NCOR1: variants seen among roughly 807,000 people sequenced by gnomAD.
The protein encoded by NCOR1 is protein phosphatase 1, regulatory subunit 109.
NCOR1 carries 63 observed loss-of-function variants against 288.1 expected under a neutral mutation model. That is an observed-to-expected ratio of 0.22 (90% CI 0.18 to 0.27). The LOEUF (loss-of-function observed/expected upper bound fraction) is 0.27. NCOR1 is among the 10% of genes least tolerant of loss of function. The pLI, the probability that NCOR1 is intolerant of heterozygous loss-of-function variation, is 1.00. For missense variants in NCOR1, 2,397 were observed against 3,019.2 expected, an observed-to-expected ratio of 0.79 and a Z score of 4.83; for synonymous variants, 1,007 against 1,065.9, an observed-to-expected ratio of 0.94 and a Z score of 1.08.
chr17:16,207,292 A>AT (rs1395398014), intron 1 of NCOR1, among the ~76,000 whole-genome samples: 1 of 152,222 alleles, frequency 6.6e-6, no homozygotes, highest in Non-Finnish European at 1.5e-5. Flanking sequence ...GGGGAAATGA[A>AT]TTGCCTAAAA....
At chr17:16,061,244 T>C (rs2060515754) in intron 37 of NCOR1, among the ~76,000 whole-genome samples, 157 bp downstream of exon 37, 1 of 152,196 alleles carries the variant, frequency 6.6e-6, no homozygotes, top group African/African-American at 2.4e-5. Context: ...AACTGGGATA[T>C]TTAAATAATC....
chr17:16,142,546 T>C (rs73981467), intron 11 of NCOR1, among the ~76,000 whole-genome samples: 8,183 of 152,104 alleles, frequency 0.054, 280 homozygotes, highest in African/African-American at 0.11. Flanking sequence ...ATGTTAGAAA[T>C]GGAAATTTAT....
intron 18 of NCOR1, among the ~76,000 whole-genome samples, chr17:16,117,178 C>T (rs1003411594): frequency 2.0e-5 from 3 of 152,272 alleles, no homozygotes; most frequent in African/African-American, 7.2e-5. Context: ...TATACCAAAT[C>T]AATTCACTCG....
At chr17:16,163,652 A>G (rs978932839) in intron 5 of NCOR1, among the ~76,000 whole-genome samples, 2 of 152,202 alleles carry the variant, frequency 1.3e-5, no homozygotes, top group African/African-American at 4.8e-5. Context: ...GCCCACTCCT[A>G]GATATATAAA....
At chr17:16,106,959 C>G (rs571464403) in intron 19 of NCOR1, among the ~76,000 whole-genome samples, 11 of 129,212 alleles carry the variant, frequency 8.5e-5, no homozygotes, top group African/African-American at 3.0e-4. Context: ...GTGGCGTGAT[C>G]TCAGCTCACT....
chr17:16,039,331 TA>T, intron 44 of NCOR1, 101 bp downstream of exon 44: 1 of 1,149,864 alleles, frequency 8.7e-7, no homozygotes, highest in African/African-American at 1.5e-5. Flanking sequence ...TCTGAGCACA[TA>T]AAGACATAAA....
intron 14 of NCOR1, among the ~76,000 whole-genome samples, chr17:16,126,757 GCT>G (rs1285871680): frequency 6.6e-6 from 1 of 152,122 alleles, no homozygotes; most frequent in African/African-American, 2.4e-5. Flanking sequence ...GAAGTAAAAT[GCT>G]TAAATATTTC....
At position 16,034,830 on chromosome 17, in the gene NCOR1, T is replaced by C. The variant is rs1461228434; in HGVS notation, c.7070A>G (p.His2357Arg). 5 of 1,613,970 alleles carry C rather than the reference T, an allele frequency of 3.1e-6. No homozygotes were observed. In the African/African-American group the frequency reaches 5.3e-5, roughly 17 times the overall value. ...CTGCCTATGGTAATCCCCTTCTGAA[T>C]GTACAGAGGAGACTGAAGAGGGCCG... ...TERPSSVSSV[H>R]SEGDYHRQTP... Residue 2357 changes from histidine (H) to arginine (R), a missense_variant, in exon 45 of 46, where the codon CAT becomes CGT. Physicochemically the swap from His to Arg is conservative, Grantham distance 29 (BLOSUM62 0). This residue lies in a region of NCOR1 where 1,872 missense variants were observed against 2,187.8 expected (regional missense o/e 0.86). Transcript: ENST00000268712.
At chr17:16,071,064 T>G (rs896877738) in intron 30 of NCOR1, among the ~76,000 whole-genome samples, 7 of 152,076 alleles carry the variant, frequency 4.6e-5, no homozygotes, top group African/African-American at 1.7e-4. Context: ...GCAGATCACT[T>G]GAGCTCAGGA....
intron 42 of NCOR1, among the ~76,000 whole-genome samples, chr17:16,041,933 T>TCA (rs1256649570): frequency 6.6e-6 from 1 of 151,988 alleles, no homozygotes; most frequent in Non-Finnish European, 1.5e-5. Context: ...AGATGGGATT[T>TCA]CACCGTGTTA....
chr17:16,040,624 A>C, intron 42 of NCOR1, 130 bp from the exon 43 acceptor site: 1 of 830,958 alleles, frequency 1.2e-6, no homozygotes, highest in Non-Finnish European at 1.9e-6. Flanking sequence ...TTTCTCACCC[A>C]TTAAGTGAAG....
chr17:16,131,578 T>C (rs2153225695), intron 14 of NCOR1, among the ~76,000 whole-genome samples: 1 of 152,308 alleles, frequency 6.6e-6, no homozygotes, highest in South Asian at 2.1e-4. Context: ...CAAGCAGCAA[T>C]TGTAAATAAA....
chr17:16,129,166 T>C (rs930622143), intron 14 of NCOR1, among the ~76,000 whole-genome samples: 17 of 152,234 alleles, frequency 1.1e-4, no homozygotes, highest in Non-Finnish European at 8.8e-5. Context: ...TTTTAGGTCA[T>C]GGCCATTAAA....
At chr17:16,054,091 A>AAAAAG (rs1383282722) in intron 40 of NCOR1, among the ~76,000 whole-genome samples, 1 of 149,772 alleles carries the variant, frequency 6.7e-6, no homozygotes, top group Non-Finnish European at 1.5e-5. Flanking sequence ...AAAAAAAAAA[A>AAAAAG]AACTATAAAA....
Position 16,139,032 on chromosome 17 carries a change from T to C in NCOR1, c.1328A>G (p.His443Arg). ...DRQFMNVWTDHEKEIFKDKFI... is the reference protein window; with the variant it reads ...DRQFMNVWTDREKEIFKDKFI... ...CTTGTCCTTAAAGATCTCCTTTTCA[T>C]GGTCAGTCCAAACATTCATAAACTG... The change falls in exon 12 of 46, where the codon CAT becomes CGT. Residue 443 changes from histidine (H) to arginine (R), a missense_variant. Transcript: ENST00000268712. 6.3e-7 allele frequency: 1 copy of C among 1,582,984 alleles called. No individual in the cohort carries two copies. Among genetic ancestry groups the C allele is most frequent in the South Asian group, 1.2e-5 (1 of 86,624 alleles).
At chr17:16,145,818 C>A (rs553013398) in intron 10 of NCOR1, among the ~76,000 whole-genome samples, 1 of 152,124 alleles carries the variant, frequency 6.6e-6, no homozygotes, top group Non-Finnish European at 1.5e-5. Flanking sequence ...CATTGAGAGC[C>A]GGCCAGGATG....
At position 16,090,090 on chromosome 17, in the gene NCOR1, TCA is replaced by T. The variant is rs146290536; in HGVS notation, c.3016+1771_3016+1772del. Among the ~76,000 whole-genome samples the T allele has an allele frequency of 7.1e-3, 1,078 of 152,218 alleles. 15 individuals carry two copies. Among genetic ancestry groups the T allele is most frequent in the African/African-American group, 0.023 (976 of 41,570 alleles). The stretch of plus-strand genomic sequence containing the variant: ...TGTGACTAACACAGAGAAATACAAT[TCA>T]CAGTTTGGAGTCTCAGAATTTGGGG... On this transcript the variant is annotated intron_variant, in intron 22 of 45. Transcript: ENST00000268712.
Position 16,030,336 on chromosome 17 carries a change from C to G in NCOR1, c.*1960G>C. 1 of 222,858 alleles carries G rather than the reference C, an allele frequency of 4.5e-6. No homozygotes were observed. Among genetic ancestry groups the G allele is most frequent in the East Asian group, 6.5e-5 (1 of 15,440 alleles). 13.8% of individuals were successfully genotyped at this position (222,858 alleles called of 1,614,324 possible). On this transcript the variant is annotated 3_prime_UTR_variant, in exon 46 of 46. Coordinates refer to ENST00000268712, the MANE Select transcript of NCOR1 (RefSeq NM_006311.4). ...GGAAGAAAATCCATGTATAAGTGGA[C>G]CCACACAGTTCAAACCCGTGTTGTT...
At chr17:16,094,677 G>A (rs577319412) in intron 21 of NCOR1, among the ~76,000 whole-genome samples, 1,641 of 152,170 alleles carry the variant, frequency 0.011, 35 homozygotes, top group African/African-American at 0.037. Context: ...TGATTCTCCT[G>A]CCTCAGCCTG....
Sources: gnomAD v4.1 joint callset for allele counts (sites outside exome capture counted in the v4.1 genomes callset) on GRCh38, gnomAD v4.1.1 for gene constraint, gnomAD v4.1.1 regional missense constraint, MANE v1.5 for transcripts, NCBI Gene and HGNC (gene_info 2026-07-23, HGNC 2026-07-21) for gene names.